The following GDPD5 variants were observed in gnomAD, a reference collection of about 807,000 sequenced individuals.
GDPD5 encodes the protein glycerophosphodiester phosphodiesterase domain containing 5, also known as glycerophosphodiester phosphodiesterase 2.
In GDPD5, 48 loss-of-function variants were observed where a neutral mutation model predicts 75.1. The ratio of observed to expected loss-of-function variants is 0.64; its 90% confidence interval spans 0.51 to 0.81. The LOEUF (loss-of-function observed/expected upper bound fraction) is 0.81. Ranked by LOEUF, GDPD5 falls within the 40% of genes least tolerant of loss-of-function variation. The pLI, the probability that GDPD5 is intolerant of heterozygous loss-of-function variation, is 0.00. For missense variants in GDPD5, 706 were observed against 822.6 expected (o/e 0.86, Z 1.73); for synonymous variants, 336 against 339.0 (o/e 0.99, Z 0.10).
rs1435942969 is a variant in GDPD5, at chr11:75,444,373, G to A, written c.797+40C>T. ...GACCCAGGTGGATGCCGAAGCGTGT[G>A]GGAGGGGTAGAGGAACTATCTCCCC... is the stretch of plus-strand genomic sequence containing the variant. On this transcript the variant is annotated intron_variant, in intron 10 of 16. Transcript: ENST00000336898. The A allele has an allele frequency of 3.5e-6, 5 of 1,440,352 alleles. No individual in the cohort carries two copies. In the African/African-American group the frequency reaches 6.0e-5, roughly 17 times the overall value. 89.2% of individuals were successfully genotyped at this position (1,440,352 alleles called of 1,614,324 possible). A position where few individuals can be genotyped will look rare whatever the true frequency, so the allele number is the denominator to read the frequency against.
intron 1 of GDPD5, among the ~76,000 whole-genome samples, chr11:75,494,878 G>T (rs945559879): frequency 1.2e-4 from 18 of 151,794 alleles, no homozygotes; most frequent in Non-Finnish European, 1.6e-4. Flanking sequence ...CTTGAATCAG[G>T]CAGGCAGAGG....
intron 1 of GDPD5, among the ~76,000 whole-genome samples, chr11:75,504,135 G>A (rs1950347598): frequency 6.6e-6 from 1 of 152,224 alleles, no homozygotes; most frequent in Admixed American, 6.5e-5. Flanking sequence ...ATGGATGGGT[G>A]CAGGTGAGCT....
intron 6 of GDPD5, chr11:75,455,385 G>C (rs745497069): frequency 4.4e-6 from 2 of 456,530 alleles, no homozygotes; most frequent in Non-Finnish European, 8.8e-6. Flanking sequence ...GGAGGAAGGT[G>C]GGGGGACCAG....
At chr11:75,478,687 T>G (rs1429675720) in intron 2 of GDPD5, among the ~76,000 whole-genome samples, 1 of 152,256 alleles carries the variant, frequency 6.6e-6, no homozygotes, top group African/African-American at 2.4e-5. Flanking sequence ...GTCTAGCACA[T>G]AGCAGACTTT....
At chr11:75,449,668 G>A (rs976924047) in intron 7 of GDPD5, 58 bp from the exon 8 acceptor site, 1 of 1,510,628 alleles carries the variant, frequency 6.6e-7, no homozygotes, top group Admixed American at 2.0e-5. Context: ...CAGACCCTGT[G>A]TCACCAGCCT....
intron 16 of GDPD5, among the ~76,000 whole-genome samples, chr11:75,436,174 A>C (rs1592046418): frequency 6.6e-6 from 1 of 152,146 alleles, no homozygotes; most frequent in African/African-American, 2.4e-5. Flanking sequence ...GGTTCTGGGC[A>C]TCTATGTCCC....
At chr11:75,507,802 G>C (rs1189869149) in intron 1 of GDPD5, among the ~76,000 whole-genome samples, 5 of 152,102 alleles carry the variant, frequency 3.3e-5, no homozygotes, top group African/African-American at 1.2e-4. Flanking sequence ...TTAAGCAGCT[G>C]TCCCATTAAG....
intron 6 of GDPD5, chr11:75,452,189 C>T (rs150482564): frequency 4.1e-4 from 62 of 152,342 alleles, no homozygotes; most frequent in African/African-American, 1.5e-3. Context: ...GGTATCTGGC[C>T]TCTGGGTTTT....
At chr11:75,474,718 C>A (rs1423979288) in intron 3 of GDPD5, among the ~76,000 whole-genome samples, 1 of 152,182 alleles carries the variant, frequency 6.6e-6, no homozygotes, top group African/African-American at 2.4e-5. Flanking sequence ...CAGGCTCTCT[C>A]CACGCACCCT....
At chr11:75,506,232 G>A (rs1176961535) in intron 1 of GDPD5, among the ~76,000 whole-genome samples, 2 of 152,150 alleles carry the variant, frequency 1.3e-5, no homozygotes, top group Non-Finnish European at 2.9e-5. Context: ...TCTCAGGGAC[G>A]CTTTGTTTGT....
At chr11:75,505,334 G>C (rs2851690) in intron 1 of GDPD5, among the ~76,000 whole-genome samples, 151,277 of 151,288 alleles carry the variant, frequency 1, 75,633 homozygotes, top group Middle Eastern at 1. Context: ...GCTGCCTCCG[G>C]CCCCCAGCCC....
intron 3 of GDPD5, among the ~76,000 whole-genome samples, chr11:75,466,417 A>G (rs1482866743): frequency 1.3e-5 from 2 of 152,130 alleles, no homozygotes; most frequent in Non-Finnish European, 2.9e-5. Flanking sequence ...GAGCAGCTCC[A>G]CTGATAAAGA....
chr11:75,498,889 T>C (rs904499983), intron 1 of GDPD5, among the ~76,000 whole-genome samples: 4 of 152,136 alleles, frequency 2.6e-5, no homozygotes, highest in Admixed American at 2.6e-4. Flanking sequence ...TCCAGCATCT[T>C]TGCCCCTGGA....
chr11:75,483,476 GC>G (rs1363873793), intron 2 of GDPD5, among the ~76,000 whole-genome samples: 3 of 152,074 alleles, frequency 2.0e-5, no homozygotes, highest in Non-Finnish European at 4.4e-5. Context: ...TCCCATAACT[GC>G]CAGGCCCACG....
At chr11:75,466,505 C>G (rs1287221703) in intron 3 of GDPD5, among the ~76,000 whole-genome samples, 1 of 152,158 alleles carries the variant, frequency 6.6e-6, no homozygotes, top group Non-Finnish European at 1.5e-5. Context: ...CATTAGCAAG[C>G]CAATCTGGCC....
intron 3 of GDPD5, among the ~76,000 whole-genome samples, chr11:75,471,836 C>T (rs1301506313): frequency 2.0e-5 from 3 of 152,124 alleles, no homozygotes; most frequent in Admixed American, 2.0e-4. Flanking sequence ...TTTATTGCAG[C>T]GATAAATCCC....
At chr11:75,507,068 G>C (rs189548577) in intron 1 of GDPD5, 1 of 152,582 alleles carries the variant, frequency 6.6e-6, no homozygotes, top group East Asian at 1.9e-4. Flanking sequence ...TAATCCACTG[G>C]CGCAAGACTC....
intron 2 of GDPD5, among the ~76,000 whole-genome samples, chr11:75,482,911 G>A (rs36089315): frequency 0.054 from 8,184 of 152,304 alleles, 285 homozygotes; most frequent in Middle Eastern, 0.099. Context: ...GAGCAACACA[G>A]GGCAGCAAGA....
At chr11:75,495,276 C>CAT (rs1950189319) in intron 1 of GDPD5, among the ~76,000 whole-genome samples, 1 of 150,096 alleles carries the variant, frequency 6.7e-6, no homozygotes, top group South Asian at 2.1e-4. Context: ...CACACACACA[C>CAT]ACACACACTA....
Sources: allele counts gnomAD v4.1 joint callset (sites outside exome capture counted in the v4.1 genomes callset), GRCh38; gene constraint gnomAD v4.1.1; transcripts MANE v1.5; gene names NCBI Gene and HGNC (gene_info 2026-07-23, HGNC 2026-07-21).